XKR4: variants seen among roughly 807,000 people sequenced by gnomAD.
XKR4 encodes XK-related protein 4.
Under a neutral mutation model 53.9 loss-of-function variants are expected in XKR4, and 12 were observed. The observed-to-expected ratio is 0.22, with a 90% confidence interval of 0.14 to 0.36. The LOEUF (loss-of-function observed/expected upper bound fraction) is 0.36, where lower values mean the gene tolerates loss of function less well. XKR4 is among the 10% of genes least tolerant of loss of function. The probability of loss-of-function intolerance (pLI) is 1.00; values close to 1 mark genes in which losing one functional copy is unlikely to be tolerated. For missense variants in XKR4, 799 were observed against 859.5 expected, an observed-to-expected ratio of 0.93 and a Z score of 0.88; for synonymous variants, 354 against 362.4, an observed-to-expected ratio of 0.98 and a Z score of 0.26.
rs73595352 is a variant in XKR4 at position 55,531,139 on chromosome 8, A to C, written c.*6912A>C. 2 of 152,116 alleles carry C rather than the reference A, an allele frequency of 1.3e-5. No homozygotes were observed. The highest frequency in any genetic ancestry group is 2.9e-5 in the Non-Finnish European group (2 of 68,018). The allele number at this position is 152,116 out of a possible 1,614,324, so 9.4% of individuals were successfully genotyped here. On this transcript the variant is annotated 3_prime_UTR_variant, in exon 3 of 3. Coordinates refer to ENST00000327381, the MANE Select transcript of XKR4 (RefSeq NM_052898.2). The stretch of plus-strand genomic sequence containing the variant: ...AGTCATGTGTCACTTAAGGATGGGG[A>C]TATGTTCTGAGATATGCATCGTCAG...
intron 2 of XKR4, among the ~76,000 whole-genome samples, chr8:55,410,472 C>A (rs921461626): frequency 2.0e-5 from 3 of 152,252 alleles, no homozygotes. Context: ...AGCTCCAAAG[C>A]AGCTACCAGA....
intron 2 of XKR4, among the ~76,000 whole-genome samples, chr8:55,490,491 G>A (rs540048205): frequency 6.6e-6 from 1 of 152,092 alleles, no homozygotes; most frequent in Non-Finnish European, 1.5e-5. Flanking sequence ...AGGATCAATT[G>A]TACCCCGAAA....
intron 1 of XKR4, among the ~76,000 whole-genome samples, chr8:55,141,055 A>G (rs1029793863): frequency 1.3e-5 from 2 of 152,128 alleles, no homozygotes; most frequent in Non-Finnish European, 2.9e-5. Context: ...ACATCACCAC[A>G]ATCAATTTTG....
chr8:55,523,481 A>C lies in XKR4; in HGVS notation c.1207A>C (p.Ile403Leu), dbSNP rs772390690. Residue 403 changes from isoleucine to leucine, a missense_variant, in exon 3 of 3, where the codon ATC (isoleucine) becomes CTC (leucine). Ile to Leu is a conservative substitution (Grantham distance 5). Coordinates refer to ENST00000327381, the MANE Select transcript of XKR4 (RefSeq NM_052898.2). ...FASVFQLYFGIFIVLHWCIMT... is the reference protein window; with the variant it reads ...FASVFQLYFGLFIVLHWCIMT... ...CTCGGTTTTCCAGCTGTACTTTGGG[A>C]TCTTCATCGTCCTTCACTGGTGCAT... The C allele has an allele frequency of 1.2e-6, 2 of 1,614,024 alleles. No homozygotes were observed. The highest frequency in any genetic ancestry group is 2.2e-5 in the South Asian group (2 of 91,066).
At chr8:55,258,372 G>C (rs79018747) in intron 1 of XKR4, among the ~76,000 whole-genome samples, 2,775 of 152,278 alleles carry the variant, frequency 0.018, 96 homozygotes, top group African/African-American at 0.062. Flanking sequence ...AAAGAGGAAC[G>C]TTCACTTGGG....
intron 1 of XKR4, among the ~76,000 whole-genome samples, chr8:55,140,550 G>A (rs778079736): frequency 6.6e-5 from 10 of 152,222 alleles, no homozygotes; most frequent in Non-Finnish European, 1.3e-4. Context: ...GTTATTCTTC[G>A]CTAATAAAAG....
intron 1 of XKR4, among the ~76,000 whole-genome samples, chr8:55,155,929 G>A (rs1052259033): frequency 1.3e-5 from 2 of 152,086 alleles, no homozygotes; most frequent in Non-Finnish European, 2.9e-5. Context: ...TCAAACATAA[G>A]AGCAAAATAA....
At chr8:55,322,730 C>T (rs941578412) in intron 1 of XKR4, among the ~76,000 whole-genome samples, 1 of 152,048 alleles carries the variant, frequency 6.6e-6, no homozygotes, top group African/African-American at 2.4e-5. Flanking sequence ...TGCTAGAGTA[C>T]GTGATATGTC....
chr8:55,499,635 C>T (rs1806406459), intron 2 of XKR4, among the ~76,000 whole-genome samples: 1 of 152,118 alleles, frequency 6.6e-6, no homozygotes, highest in South Asian at 2.1e-4. Flanking sequence ...ACTGATCACG[C>T]CACTGAACTG....
intron 2 of XKR4, among the ~76,000 whole-genome samples, chr8:55,469,344 C>T (rs1389592499): frequency 6.6e-6 from 1 of 152,094 alleles, no homozygotes; most frequent in Non-Finnish European, 1.5e-5. Context: ...TGGCTTTTCA[C>T]ACTTCTTTTT....
intron 1 of XKR4, among the ~76,000 whole-genome samples, chr8:55,314,434 A>T (rs1819433030): frequency 1.3e-5 from 2 of 152,006 alleles, no homozygotes; most frequent in African/African-American, 4.8e-5. Flanking sequence ...TGGGGCACCG[A>T]CCTCAAGGAA....
chr8:55,119,591 G>A (rs1248710857), intron 1 of XKR4, among the ~76,000 whole-genome samples: 4 of 152,112 alleles, frequency 2.6e-5, no homozygotes, highest in African/African-American at 4.8e-5. Flanking sequence ...TGGGGAATGC[G>A]CAGCAATGAG....
chr8:55,449,826 C>T (rs1585579058), intron 2 of XKR4: 6 of 1,178,836 alleles, frequency 5.1e-6, no homozygotes, highest in Admixed American at 1.7e-5. Context: ...AGAGTGCCCT[C>T]GTAGGACCTG....
At chr8:55,461,020 G>T (rs1585586719) in intron 2 of XKR4, among the ~76,000 whole-genome samples, 1 of 152,228 alleles carries the variant, frequency 6.6e-6, no homozygotes, top group Non-Finnish European at 1.5e-5. Flanking sequence ...GCTCAAGGAG[G>T]CCTGCCTCTG....
In XKR4 at chr8:55,237,886, C is replaced by G. The variant is rs541037585; in HGVS notation, c.807-119792C>G. Among the ~76,000 whole-genome samples the G allele has an allele frequency of 6.6e-5, 10 of 152,146 alleles. No individual in the cohort carries two copies. In the South Asian group the frequency reaches 2.1e-3, roughly 32 times the overall value. ...ATTAGCCTGTCACCATCTGTCTTCT[C>G]CCCTCCTCCATCCCCAGGGTAGTGC... On this transcript the variant is annotated intron_variant, in intron 1 of 2. Transcript: ENST00000327381.
chr8:55,423,447 C>A (rs1413408394), intron 2 of XKR4, among the ~76,000 whole-genome samples: 1 of 152,172 alleles, frequency 6.6e-6, no homozygotes, highest in Non-Finnish European at 1.5e-5. Flanking sequence ...GCTTTATTTG[C>A]CTCTGTTATG....
intron 1 of XKR4, among the ~76,000 whole-genome samples, chr8:55,134,650 C>T (rs985949603): frequency 3.9e-5 from 6 of 152,202 alleles, no homozygotes; most frequent in South Asian, 4.1e-4. Flanking sequence ...TTATTAGCTG[C>T]ATGACTCTGA....
intron 1 of XKR4, among the ~76,000 whole-genome samples, chr8:55,301,499 G>C (rs1372086610): frequency 1.3e-5 from 2 of 151,918 alleles, no homozygotes; most frequent in Non-Finnish European, 2.9e-5. Context: ...ATAATCCTTT[G>C]GGTATATACC....
intron 2 of XKR4, among the ~76,000 whole-genome samples, chr8:55,522,477 C>T (rs903443998): frequency 6.6e-6 from 1 of 152,176 alleles, no homozygotes; most frequent in African/African-American, 2.4e-5. Flanking sequence ...ATGTTGTACA[C>T]ACACCTTTTA....
Sources: gnomAD v4.1 joint callset for allele counts (sites outside exome capture counted in the v4.1 genomes callset) on GRCh38, gnomAD v4.1.1 for gene constraint, MANE v1.5 for transcripts, NCBI Gene and HGNC (gene_info 2026-07-23, HGNC 2026-07-21) for gene names.